SUGT1: variants seen among roughly 807,000 people sequenced by gnomAD.
SUGT1 encodes protein SGT1 homolog.
SUGT1 carries 15 observed loss-of-function variants against 56.1 expected under a neutral mutation model. That is an observed-to-expected ratio of 0.27 (90% confidence interval 0.18 to 0.41). SUGT1 has a LOEUF of 0.41. Ranked by LOEUF, SUGT1 falls within the 10% of genes least tolerant of loss-of-function variation. SUGT1 has a pLI of 1.00. For missense variants in SUGT1, 347 were observed against 382.2 expected, an observed-to-expected ratio of 0.91 and a Z score of 0.77; for synonymous variants, 123 against 128.6, an observed-to-expected ratio of 0.96 and a Z score of 0.30.
chr13:52,682,227 C>T (rs1342736113), intron 12 of SUGT1, among the ~76,000 whole-genome samples: 1 of 152,038 alleles, frequency 6.6e-6, no homozygotes, highest in African/African-American at 2.4e-5. Context: ...GAGACAGGGT[C>T]TCATTCTGTC....
chr13:52,652,968 T>C lies in SUGT1; in HGVS notation c.38+10T>C, dbSNP rs752653169. 1.9e-6 allele frequency: 3 copies of C among 1,614,200 alleles called. No homozygotes were observed. The highest frequency in any genetic ancestry group is 2.2e-5 in the South Asian group (2 of 91,078). ...CTGCAACATCCCAGAGGTGCATGTT[T>C]TTCTTTCCCTTTGGTATTTATTTTA... On this transcript the variant is annotated intron_variant, in intron 1 of 12. Transcript: ENST00000310528.
chr13:52,653,838 C>T (rs555398763), intron 2 of SUGT1, among the ~76,000 whole-genome samples: 1 of 135,174 alleles, frequency 7.4e-6, no homozygotes, highest in Non-Finnish European at 1.7e-5. Flanking sequence ...TGCGTTAAAT[C>T]ACAGAAAAGA....
At chr13:52,685,256 C>CTTTT (rs59104304) in intron 12 of SUGT1, among the ~76,000 whole-genome samples, 83 of 87,734 alleles carry the variant, frequency 9.5e-4, no homozygotes, top group Non-Finnish European at 1.3e-3. Context: ...TCTTCTTCTT[C>CTTTT]TTTTTTTTTT....
intron 10 of SUGT1, among the ~76,000 whole-genome samples, chr13:52,669,709 A>G (rs951243027): frequency 1.3e-5 from 2 of 150,234 alleles, no homozygotes; most frequent in Non-Finnish European, 3.0e-5. Context: ...TTTATATACC[A>G]TATATATATA....
intron 11 of SUGT1, among the ~76,000 whole-genome samples, chr13:52,679,025 G>A (rs1963262204): frequency 6.6e-6 from 1 of 151,918 alleles, no homozygotes; most frequent in South Asian, 2.1e-4. Flanking sequence ...TGATATATCA[G>A]GTTAAATAAA....
chr13:52,670,833 G>T (rs1012328847), intron 10 of SUGT1, among the ~76,000 whole-genome samples: 6 of 152,050 alleles, frequency 3.9e-5, no homozygotes, highest in Admixed American at 3.3e-4. Flanking sequence ...AAAAGAATTA[G>T]AATTCTCAGT....
In SUGT1 at chr13:52,686,050, C is replaced by T. The variant is rs534957578; in HGVS notation, c.901-1684C>T. Among the ~76,000 whole-genome samples, 15 of 152,310 alleles carry T rather than the reference C, an allele frequency of 9.8e-5. No homozygotes were observed. The South Asian group carries it at 3.1e-3, about 32-fold the overall frequency. On this transcript the variant is annotated intron_variant, in intron 12 of 12. Coordinates refer to ENST00000310528, the MANE Select transcript of SUGT1 (RefSeq NM_006704.5). ...TCAAGTGATTCTCGTGACTCAGCCT[C>T]TAGAGTAGCTGGGACTACGGGCGCA...
At chr13:52,681,233 TAGAG>T (rs1198593378) in intron 12 of SUGT1, among the ~76,000 whole-genome samples, 1 of 145,770 alleles carries the variant, frequency 6.9e-6, no homozygotes, top group Non-Finnish European at 1.5e-5. Context: ...CTGGGCAACA[TAGAG>T]AGACCCTATC....
intron 2 of SUGT1, among the ~76,000 whole-genome samples, chr13:52,656,334 A>G (rs1448931586): frequency 6.6e-6 from 1 of 152,218 alleles, no homozygotes; most frequent in Non-Finnish European, 1.5e-5. Context: ...TGCTTCTAAT[A>G]TGTTCCAACT....
chr13:52,673,263 G>A (rs1161430112), intron 10 of SUGT1, among the ~76,000 whole-genome samples: 21 of 150,584 alleles, frequency 1.4e-4, no homozygotes, highest in Non-Finnish European at 2.7e-4. Flanking sequence ...TTTGTGTGGG[G>A]GTAGATAGGG....
chr13:52,655,073 C>T (rs1416037682), intron 2 of SUGT1, among the ~76,000 whole-genome samples: 1 of 152,324 alleles, frequency 6.6e-6, no homozygotes, highest in African/African-American at 2.4e-5. Context: ...CAGCCGGGCG[C>T]GGTGGCTCAC....
chr13:52,663,809 C>A (rs1366332101), intron 7 of SUGT1, among the ~76,000 whole-genome samples: 1 of 152,128 alleles, frequency 6.6e-6, no homozygotes, highest in Non-Finnish European at 1.5e-5. Flanking sequence ...GAAATTCAAT[C>A]TAAGATTTTT....
At chr13:52,676,421 C>G in intron 11 of SUGT1, 101 bp downstream of exon 11, 1 of 1,008,964 alleles carries the variant, frequency 9.9e-7, no homozygotes, top group Non-Finnish European at 1.4e-6. Flanking sequence ...TTTATGTTCT[C>G]AAGATAAGAT....
At position 52,689,226 on chromosome 13, in the gene SUGT1, T is replaced by G. The variant is rs560646087; in HGVS notation, c.*1391T>G. ...GCCCAAACCTGTTGTTATAGCTTGT[T>G]TAAGCATTCTAGAGTTTTCACTTGT... is the stretch of plus-strand genomic sequence containing the variant. On this transcript the variant is annotated 3_prime_UTR_variant, in exon 13 of 13. Transcript: ENST00000310528. 1 of 152,284 alleles carries G rather than the reference T, an allele frequency of 6.6e-6. No homozygotes were observed. The highest frequency in any genetic ancestry group is 1.9e-4 in the East Asian group (1 of 5,186). The allele number at this position is 152,284 out of a possible 1,614,324, so 9.4% of individuals were successfully genotyped here. A position where few individuals can be genotyped will look rare whatever the true frequency, so the allele number is the denominator to read the frequency against.
intron 10 of SUGT1, among the ~76,000 whole-genome samples, chr13:52,672,593 T>C (rs1285260679): frequency 6.6e-6 from 1 of 152,200 alleles, no homozygotes; most frequent in Non-Finnish European, 1.5e-5. Context: ...AGTAAGAGTA[T>C]GTTGGGAAGG....
intron 10 of SUGT1, among the ~76,000 whole-genome samples, chr13:52,670,683 CT>C (rs1342469960): frequency 1.3e-5 from 2 of 152,090 alleles, no homozygotes; most frequent in African/African-American, 4.8e-5. Context: ...TGACGGGTGC[CT>C]GTAGTCCCAG....
intron 10 of SUGT1, among the ~76,000 whole-genome samples, chr13:52,668,653 T>C (rs1212531233): frequency 6.6e-6 from 1 of 152,144 alleles, no homozygotes; most frequent in Non-Finnish European, 1.5e-5. Flanking sequence ...GTATAGAATT[T>C]GTTTAATAAA....
rs533091564 is a variant in SUGT1, at chr13:52,697,740, T to C, written c.*9905T>C. 3 of 152,318 alleles carry C rather than the reference T, an allele frequency of 2.0e-5. No individual in the cohort carries two copies. The highest frequency in any genetic ancestry group is 7.2e-5 in the African/African-American group (3 of 41,572). The allele number at this position is 152,318 out of a possible 1,614,324, so 9.4% of individuals were successfully genotyped here. A position where few individuals can be genotyped will look rare whatever the true frequency, so the allele number is the denominator to read the frequency against. On this transcript the variant is annotated 3_prime_UTR_variant, in exon 13 of 13. Coordinates refer to ENST00000310528, the MANE Select transcript of SUGT1 (RefSeq NM_006704.5). The stretch of plus-strand genomic sequence containing the variant: ...TACTTTAAGGTATGTAGTAGAATAA[T>C]ATAGGTATCTGAAAAAGAACTTGGT...
At chr13:52,675,114 C>G (rs537111941) in intron 10 of SUGT1, among the ~76,000 whole-genome samples, 4 of 152,194 alleles carry the variant, frequency 2.6e-5, no homozygotes, top group Non-Finnish European at 4.4e-5. Context: ...TTCACTCTTG[C>G]AAATGCTTCT....
Sources: gnomAD v4.1 joint callset for allele counts (sites outside exome capture counted in the v4.1 genomes callset) on GRCh38, gnomAD v4.1.1 for gene constraint, MANE v1.5 for transcripts, NCBI Gene and HGNC (gene_info 2026-07-23, HGNC 2026-07-21) for gene names.